Variants in ITPR2 observed in about 807,000 individuals in gnomAD.
The protein encoded by ITPR2 is inositol 1,4,5-trisphosphate-gated calcium channel ITPR2.
ITPR2 carries 207 observed loss-of-function variants against 317.1 expected under a neutral mutation model. The observed-to-expected ratio is 0.65, with a 90% CI of 0.58 to 0.73. The LOEUF is 0.73. Among genes scored for constraint, ITPR2 ranks in the 30% least tolerant of loss-of-function variants. ITPR2 has a pLI of 0.00. For synonymous variants in ITPR2, 1,156 were observed against 1,149.1 expected (o/e 1.01, Z -0.12); for missense variants, 2,613 against 3,284.0 (o/e 0.80, Z 4.99).
rs920882703 is a variant in ITPR2, at chr12:26,597,958, A to C, written c.4003-824T>G. Among the ~76,000 whole-genome samples, 6 of 152,300 alleles carry C rather than the reference A, an allele frequency of 3.9e-5. No individual in the cohort carries two copies. The South Asian group carries it at 6.2e-4, about 16-fold the overall frequency. On this transcript the variant is annotated intron_variant, in intron 30 of 56. Transcript: ENST00000381340. ...AAGCCGATTCATTGGCTTACTTTGA[A>C]AGTGTTGTTGAAAGAGAATGTATGT... is the stretch of plus-strand genomic sequence containing the variant.
At chr12:26,384,971 A>G (rs182369089) in intron 55 of ITPR2, among the ~76,000 whole-genome samples, 7 of 152,186 alleles carry the variant, frequency 4.6e-5, no homozygotes, top group Admixed American at 3.3e-4. Flanking sequence ...TTCTATGGTC[A>G]TTCTATGTGA....
chr12:26,461,923 G>T (rs990916061), intron 45 of ITPR2, among the ~76,000 whole-genome samples: 6 of 150,472 alleles, frequency 4.0e-5, no homozygotes, highest in African/African-American at 1.5e-4. Flanking sequence ...TCTGGCTAAG[G>T]GTAACTATTT....
intron 34 of ITPR2, among the ~76,000 whole-genome samples, chr12:26,567,980 A>ATATTATATATAT (rs1945032356): frequency 3.9e-4 from 3 of 7,606 alleles, no homozygotes; most frequent in Admixed American, 9.3e-4. Context: ...TATATATATT[A>ATATTATATATAT]TATATATATA....
chr12:26,689,379 G>A (rs2136976798), intron 10 of ITPR2, among the ~76,000 whole-genome samples: 1 of 152,104 alleles, frequency 6.6e-6, no homozygotes, highest in South Asian at 2.1e-4. Context: ...TTGCATCACT[G>A]CACTCCAGCC....
chr12:26,710,417 T>C (rs1417578768), intron 9 of ITPR2, among the ~76,000 whole-genome samples: 2 of 152,228 alleles, frequency 1.3e-5, no homozygotes, highest in Non-Finnish European at 2.9e-5. Context: ...ATGCATCTCA[T>C]ATACAAATCC....
intron 10 of ITPR2, among the ~76,000 whole-genome samples, chr12:26,693,203 T>A (rs1442020895): frequency 6.6e-6 from 1 of 152,214 alleles, no homozygotes; most frequent in African/African-American, 2.4e-5. Flanking sequence ...CCCATCTGTG[T>A]TGAATGCAAT....
intron 2 of ITPR2, among the ~76,000 whole-genome samples, chr12:26,756,597 A>T (rs1416100707): frequency 6.6e-6 from 1 of 152,222 alleles, no homozygotes; most frequent in Non-Finnish European, 1.5e-5. Flanking sequence ...CTCTTGTCGG[A>T]ACTCAAGAGT....
At chr12:26,750,064 C>T (rs1197222397) in intron 2 of ITPR2, among the ~76,000 whole-genome samples, 1 of 152,200 alleles carries the variant, frequency 6.6e-6, no homozygotes, top group Non-Finnish European at 1.5e-5. Context: ...TTTCTAACTC[C>T]TGCTATGAGT....
chr12:26,430,887 C>A (rs1352481824), intron 48 of ITPR2, among the ~76,000 whole-genome samples: 1 of 152,056 alleles, frequency 6.6e-6, no homozygotes, highest in East Asian at 1.9e-4. Flanking sequence ...TTCTCTCCAT[C>A]CCTCTGCCTC....
intron 21 of ITPR2, among the ~76,000 whole-genome samples, chr12:26,644,061 T>C (rs146877497): frequency 5.4e-4 from 83 of 152,330 alleles, no homozygotes; most frequent in African/African-American, 1.8e-3. Context: ...CAGGACCTAC[T>C]GTCCAAAACA....
chr12:26,628,121 C>A lies in ITPR2; in HGVS notation c.2976G>T (p.Met992Ile), dbSNP rs542571869. The A allele has an allele frequency of 2.4e-5, 38 of 1,602,412 alleles. No homozygotes were observed. The highest frequency in any genetic ancestry group is 3.3e-4 in the Middle Eastern group (2 of 6,044). ...SVRLDYRISY[M>I]LSIYKKEFGE... ...CAAACTCCTTCTTATATATTGACAG[C>A]ATATATGAGATCCTATAATCCAGTC... The change falls in exon 23 of 57, where the codon ATG (methionine) becomes ATT (isoleucine). Residue 992 changes from methionine (M) to isoleucine (I), a missense_variant. Transcript: ENST00000381340.
intron 48 of ITPR2, among the ~76,000 whole-genome samples, chr12:26,430,332 C>T (rs776197827): frequency 3.9e-5 from 6 of 152,170 alleles, no homozygotes; most frequent in Non-Finnish European, 7.4e-5. Context: ...GGCGTGATCT[C>T]GGCTCACTGC....
intron 10 of ITPR2, among the ~76,000 whole-genome samples, chr12:26,694,459 A>T (rs578066201): frequency 1.3e-5 from 2 of 152,192 alleles, no homozygotes; most frequent in African/African-American, 4.8e-5. Context: ...ACCTTACACA[A>T]ACACAAATCC....
At position 26,614,580 on chromosome 12, in the gene ITPR2, T is replaced by C. The variant is rs182966001; in HGVS notation, c.3462+6543A>G. On this transcript the variant is annotated intron_variant, in intron 26 of 56. Transcript: ENST00000381340. ...TAGAAGCAACCAAGATGTCCTTCAA[T>C]AGGTGAATGGATAAACAATACAAGG... Among the ~76,000 whole-genome samples the C allele has an allele frequency of 5.7e-3, 869 of 152,294 alleles. 6 individuals carry two copies. Among genetic ancestry groups the C allele is most frequent in the African/African-American group, 0.019 (789 of 41,554 alleles).
chr12:26,544,996 A>C (rs1944358551), intron 37 of ITPR2, among the ~76,000 whole-genome samples: 2 of 152,180 alleles, frequency 1.3e-5, no homozygotes, highest in South Asian at 4.1e-4. Context: ...AAAACAGCAA[A>C]GTGCTATAGA....
At chr12:26,519,190 A>G (rs1225756976) in intron 37 of ITPR2, among the ~76,000 whole-genome samples, 4 of 152,200 alleles carry the variant, frequency 2.6e-5, no homozygotes. Flanking sequence ...TGAAATAAAT[A>G]AAAAACTAAC....
intron 55 of ITPR2, among the ~76,000 whole-genome samples, chr12:26,360,705 C>T (rs1168260436): frequency 6.6e-6 from 1 of 152,192 alleles, no homozygotes; most frequent in East Asian, 1.9e-4. Flanking sequence ...TCTTGTTGAA[C>T]TCAAATTTAT....
intron 1 of ITPR2, among the ~76,000 whole-genome samples, chr12:26,811,807 T>A (rs1223346822): frequency 4.6e-5 from 6 of 130,536 alleles, no homozygotes; most frequent in Admixed American, 8.7e-5. Flanking sequence ...TGAGCCGAGA[T>A]CGCACCACTG....
At chr12:26,673,125 A>G (rs1947825677) in intron 13 of ITPR2, among the ~76,000 whole-genome samples, 1 of 152,212 alleles carries the variant, frequency 6.6e-6, no homozygotes, top group Admixed American at 6.5e-5. Context: ...ACAAGGAGGA[A>G]CTGGTATCAT....
Sources: allele counts gnomAD v4.1 joint callset (sites outside exome capture counted in the v4.1 genomes callset), GRCh38; gene constraint gnomAD v4.1.1; transcripts MANE v1.5; gene names NCBI Gene and HGNC (gene_info 2026-07-23, HGNC 2026-07-21).